Variants in GABRA4 observed in about 807,000 individuals in gnomAD.
GABRA4 encodes gamma-aminobutyric acid type A receptor subunit alpha4, also known as gamma-aminobutyric acid receptor subunit alpha-4.
GABRA4 carries 12 observed loss-of-function variants against 49.7 expected under a neutral mutation model. The ratio of observed to expected loss-of-function variants is 0.24; its 90% CI spans 0.15 to 0.39. The LOEUF is 0.39. Ranked by LOEUF, GABRA4 falls within the 10% of genes least tolerant of loss-of-function variation. The pLI, the probability that GABRA4 is intolerant of heterozygous loss-of-function variation, is 1.00. For missense variants in GABRA4, 506 were observed against 686.0 expected, an observed-to-expected ratio of 0.74 and a Z score of 2.93; for synonymous variants, 288 against 240.2, an observed-to-expected ratio of 1.20 and a Z score of -1.84.
intron 7 of GABRA4, among the ~76,000 whole-genome samples, chr4:46,965,586 G>A (rs1722725838): frequency 6.6e-6 from 1 of 151,718 alleles, no homozygotes; most frequent in Admixed American, 6.6e-5. Context: ...CCTGGAAACT[G>A]AGCCAACACA....
chr4:46,980,139 G>A (rs1044639218), intron 2 of GABRA4, among the ~76,000 whole-genome samples: 4 of 152,066 alleles, frequency 2.6e-5, no homozygotes, highest in African/African-American at 9.7e-5. Flanking sequence ...ATTTGTCCCA[G>A]TCTCTAGAAC....
chr4:46,970,279 G>T (rs958140710), intron 7 of GABRA4, among the ~76,000 whole-genome samples: 2 of 151,456 alleles, frequency 1.3e-5, no homozygotes, highest in South Asian at 2.1e-4. Context: ...TGGCACTCTT[G>T]TGAGGAATAC....
At chr4:46,970,315 C>A (rs1722906894) in intron 7 of GABRA4, among the ~76,000 whole-genome samples, 1 of 151,442 alleles carries the variant, frequency 6.6e-6, no homozygotes, top group Admixed American at 6.6e-5. Flanking sequence ...CAATTCTGAT[C>A]ATTTTCCTTC....
rs1311253965 is a variant in GABRA4, at chr4:46,925,592, T to A, written c.*2633A>T. 2 of 151,686 alleles carry A rather than the reference T, an allele frequency of 1.3e-5. No individual in the cohort carries two copies. Among genetic ancestry groups the A allele is most frequent in the Non-Finnish European group, 2.9e-5 (2 of 67,800 alleles). The allele number at this position is 151,686 out of a possible 1,614,324, so 9.4% of individuals were successfully genotyped here. A position where few individuals can be genotyped will look rare whatever the true frequency, so the allele number is the denominator to read the frequency against. On this transcript the variant is annotated 3_prime_UTR_variant, in exon 9 of 9. Coordinates refer to ENST00000264318, the MANE Select transcript of GABRA4 (RefSeq NM_000809.4). ...AGATTTTCTAAGAGGGAAAAGTGAC[T>A]GGCTCTTTGCAAAAGTGTTTTTACT...
At chr4:46,946,954 C>G (rs779080725) in intron 8 of GABRA4, among the ~76,000 whole-genome samples, 1 of 151,930 alleles carries the variant, frequency 6.6e-6, no homozygotes. Context: ...GCCGTGGAAG[C>G]CTGCTGGTCT....
chr4:46,920,793 T>C lies in GABRA4; in HGVS notation c.*7432A>G, dbSNP rs1020023481. 2.6e-5 allele frequency: 4 copies of C among 151,796 alleles called. No individual in the cohort carries two copies. Among genetic ancestry groups the C allele is most frequent in the African/African-American group, 9.7e-5 (4 of 41,412 alleles). The allele number at this position is 151,796 out of a possible 1,614,324, so 9.4% of individuals were successfully genotyped here. A position where few individuals can be genotyped will look rare whatever the true frequency, so the allele number is the denominator to read the frequency against. ...TTGTTTTACTGAAAACTAGATGAAA[T>C]GTATACAGTAGAAAAATTAAAGAAG... On this transcript the variant is annotated 3_prime_UTR_variant, in exon 9 of 9. Transcript: ENST00000264318.
At chr4:46,940,024 A>G (rs769503130) in intron 8 of GABRA4, among the ~76,000 whole-genome samples, 91 of 152,172 alleles carry the variant, frequency 6.0e-4, no homozygotes, top group Non-Finnish European at 5.9e-4. Flanking sequence ...TAACAAGTGC[A>G]ATCTAGCTGA....
intron 7 of GABRA4, among the ~76,000 whole-genome samples, chr4:46,965,634 G>T (rs1249219176): frequency 6.6e-6 from 1 of 151,712 alleles, no homozygotes; most frequent in African/African-American, 2.4e-5. Context: ...CTCAGGAAGA[G>T]TAACTCACTG....
At position 46,974,226 on chromosome 4, in the gene GABRA4, T is replaced by A; in HGVS notation, c.721+6A>T. 6.2e-7 allele frequency: 1 copy of A among 1,610,304 alleles called. No homozygotes were observed. Among genetic ancestry groups the A allele is most frequent in the Non-Finnish European group, 8.5e-7 (1 of 1,177,754 alleles). On this transcript the variant is annotated splice_donor_region_variant and intron_variant, in intron 6 of 8. Transcript: ENST00000264318. ...GCATGTCGGCTTTAATCATTACACA[T>A]CTCACCCGTAATTGATTTGATGGTT... is the stretch of plus-strand genomic sequence containing the variant.
intron 8 of GABRA4, among the ~76,000 whole-genome samples, chr4:46,956,692 C>T (rs1295656607): frequency 6.6e-6 from 1 of 151,972 alleles, no homozygotes; most frequent in Non-Finnish European, 1.5e-5. Context: ...TGCGGCTCAC[C>T]ACTTAACATG....
chr4:46,935,290 C>G (rs566719331), intron 8 of GABRA4, among the ~76,000 whole-genome samples: 1 of 152,280 alleles, frequency 6.6e-6, no homozygotes, highest in East Asian at 1.9e-4. Flanking sequence ...TATTTAGCCT[C>G]TCAAAACCTC....
intron 8 of GABRA4, among the ~76,000 whole-genome samples, chr4:46,947,771 T>C: frequency 6.6e-6 from 1 of 152,166 alleles, no homozygotes; most frequent in East Asian, 1.9e-4. Flanking sequence ...AAAGCATGTG[T>C]TTCCCAGTTA....
At chr4:46,940,222 G>T (rs1172103782) in intron 8 of GABRA4, among the ~76,000 whole-genome samples, 1 of 151,942 alleles carries the variant, frequency 6.6e-6, no homozygotes, top group Non-Finnish European at 1.5e-5. Flanking sequence ...ACTTTAAAAA[G>T]CTATTTAAAA....
intron 8 of GABRA4, among the ~76,000 whole-genome samples, chr4:46,953,608 T>C (rs1184177099): frequency 6.6e-6 from 1 of 152,160 alleles, no homozygotes; most frequent in African/African-American, 2.4e-5. Context: ...TGTGCAAAAT[T>C]AATTGGTGAT....
intron 2 of GABRA4, among the ~76,000 whole-genome samples, chr4:46,990,897 G>A (rs1031689304): frequency 2.6e-5 from 4 of 152,300 alleles, no homozygotes; most frequent in Admixed American, 2.6e-4. Context: ...ATATACAAAT[G>A]CTGGCCCGGC....
rs770959948 is a variant in GABRA4 at position 46,923,992 on chromosome 4, T to C, written c.*4233A>G. 21 of 152,098 alleles carry C rather than the reference T, an allele frequency of 1.4e-4. No homozygotes were observed. The highest frequency in any genetic ancestry group is 2.6e-4 in the Non-Finnish European group (18 of 68,006). The allele number at this position is 152,098 out of a possible 1,614,324, so 9.4% of individuals were successfully genotyped here. On this transcript the variant is annotated 3_prime_UTR_variant, in exon 9 of 9. Coordinates refer to ENST00000264318, the MANE Select transcript of GABRA4 (RefSeq NM_000809.4). ...GTGCTGATAAAATTGCGCTTTCATT[T>C]TTTTGTTTGTTTGTGGAAGTGGGAA... is the stretch of plus-strand genomic sequence containing the variant.
At chr4:46,986,073 T>C (rs1465456103) in intron 2 of GABRA4, among the ~76,000 whole-genome samples, 2 of 152,224 alleles carry the variant, frequency 1.3e-5, no homozygotes, top group African/African-American at 4.8e-5. Context: ...ATTCACTCCA[T>C]CATCTATCTC....
intron 7 of GABRA4, among the ~76,000 whole-genome samples, chr4:46,969,261 A>G (rs1722868686): frequency 6.6e-6 from 1 of 151,458 alleles, no homozygotes; most frequent in Admixed American, 6.6e-5. Flanking sequence ...GGATCATTTA[A>G]AAAAATGTAT....
At chr4:46,950,629 A>C (rs1722135313) in intron 8 of GABRA4, among the ~76,000 whole-genome samples, 1 of 151,820 alleles carries the variant, frequency 6.6e-6, no homozygotes, top group Non-Finnish European at 1.5e-5. Context: ...TCATGGAAGA[A>C]GCAGCATGTG....
Sources: gnomAD v4.1 joint callset for allele counts (sites outside exome capture counted in the v4.1 genomes callset) on GRCh38, gnomAD v4.1.1 for gene constraint, MANE v1.5 for transcripts, NCBI Gene and HGNC (gene_info 2026-07-23, HGNC 2026-07-21) for gene names.